VIT: variants seen among roughly 807,000 people sequenced by gnomAD.
The protein encoded by VIT is vitrin.
VIT carries 99 observed loss-of-function variants against 78.0 expected under a neutral mutation model. That is an observed-to-expected ratio of 1.27 (90% CI 1.08 to 1.50). The LOEUF (loss-of-function observed/expected upper bound fraction) is 1.50. Ranked by LOEUF, VIT falls within the 40% of genes most tolerant of loss-of-function variation. The pLI, the probability that VIT is intolerant of heterozygous loss-of-function variation, is 0.00. For synonymous variants in VIT, 374 were observed against 334.3 expected (o/e 1.12, Z -1.29); for missense variants, 1,126 against 875.3 (o/e 1.29, Z -3.61).
In VIT at chr2:36,721,880, C is replaced by T. The variant is rs1666536437; in HGVS notation, c.52+5458C>T. On this transcript the variant is annotated intron_variant, in intron 2 of 15. Transcript: ENST00000379242. ...ACTTCCTTGGTGTCCTGTGTTTATT[C>T]TCACCATAGCTGCAAGATATTGACC... 3.3e-5 allele frequency among the ~76,000 whole-genome samples: 5 copies of T among 152,216 alleles called. 1 individual carries two copies. The highest frequency in any genetic ancestry group is 7.2e-5 in the African/African-American group (3 of 41,458).
chr2:36,761,374 G>A (rs745544157), intron 6 of VIT, among the ~76,000 whole-genome samples: 4 of 152,070 alleles, frequency 2.6e-5, no homozygotes, highest in East Asian at 1.9e-4. Context: ...TGGGGGTGTC[G>A]GGGGTGTTGT....
At chr2:36,753,864 G>C (rs1206891854) in intron 4 of VIT, among the ~76,000 whole-genome samples, 1 of 152,184 alleles carries the variant, frequency 6.6e-6, no homozygotes. Flanking sequence ...GGGAGCAAGA[G>C]GGACAAACTG....
At chr2:36,757,095 G>T (rs1449817481) in intron 5 of VIT, among the ~76,000 whole-genome samples, 1 of 152,218 alleles carries the variant, frequency 6.6e-6, no homozygotes, top group Non-Finnish European at 1.5e-5. Context: ...TGAGTTAGGA[G>T]CTCACTGCAG....
intron 15 of VIT, among the ~76,000 whole-genome samples, chr2:36,812,734 G>A (rs1035298324): frequency 5.3e-5 from 8 of 152,152 alleles, no homozygotes; most frequent in Non-Finnish European, 1.5e-5. Context: ...GAAAGGAGAT[G>A]CTGACCCCAC....
chr2:36,795,885 G>C (rs1195405789), intron 12 of VIT, among the ~76,000 whole-genome samples: 1 of 152,176 alleles, frequency 6.6e-6, no homozygotes, highest in African/African-American at 2.4e-5. Flanking sequence ...GGCTTGCAGA[G>C]AAAACAAGTG....
At chr2:36,807,980 A>T (rs1264643952) in intron 14 of VIT, among the ~76,000 whole-genome samples, 1 of 152,234 alleles carries the variant, frequency 6.6e-6, no homozygotes, top group East Asian at 1.9e-4. Flanking sequence ...ACATGTGGTC[A>T]TTCAGCAACT....
rs763564096 is a variant in VIT, at chr2:36,808,455, T to TC, written c.1390-13dup. On this transcript the variant is annotated splice_polypyrimidine_tract_variant and intron_variant, in intron 14 of 15. Coordinates refer to ENST00000379242, the MANE Select transcript of VIT (RefSeq NM_053276.4). ...TTGACCCTGACGTGGCGTGGGTCCCTCCCCTCTGTCTTCTAGGCCGTGTGC... is the reference window on the plus strand; with the variant it reads ...TTGACCCTGACGTGGCGTGGGTCCCTCCCCCTCTGTCTTCTAGGCCGTGTGC... The TC allele has an allele frequency of 1.2e-5, 19 of 1,586,668 alleles. No individual in the cohort carries two copies. The Admixed American group carries it at 1.5e-4, about 13-fold the overall frequency.
chr2:36,786,551 G>A (rs116374815), intron 11 of VIT, among the ~76,000 whole-genome samples: 17 of 152,232 alleles, frequency 1.1e-4, no homozygotes, highest in Admixed American at 4.6e-4. Flanking sequence ...AAAAAATCTC[G>A]GATAGCTACG....
intron 5 of VIT, among the ~76,000 whole-genome samples, chr2:36,757,152 T>C (rs1668815868): frequency 6.6e-6 from 1 of 152,222 alleles, no homozygotes; most frequent in African/African-American, 2.4e-5. Flanking sequence ...CTTCCCATTA[T>C]CCAGAGGTTC....
intron 1 of VIT, among the ~76,000 whole-genome samples, chr2:36,711,761 C>A (rs1008630897): frequency 6.6e-6 from 1 of 152,128 alleles, no homozygotes; most frequent in African/African-American, 2.4e-5. Flanking sequence ...AAATATAAAG[C>A]AATATTATTA....
At chr2:36,766,467 G>A (rs988138668) in intron 6 of VIT, among the ~76,000 whole-genome samples, 1 of 152,176 alleles carries the variant, frequency 6.6e-6, no homozygotes, top group African/African-American at 2.4e-5. Context: ...GAAGTTCGAG[G>A]CTGCAGTGAG....
At chr2:36,743,476 G>C (rs182740001) in intron 4 of VIT, among the ~76,000 whole-genome samples, 1 of 151,790 alleles carries the variant, frequency 6.6e-6, no homozygotes, top group Non-Finnish European at 1.5e-5. Flanking sequence ...ATGCTTCATT[G>C]TCTCCTTGCA....
At chr2:36,721,622 CT>C (rs949082219) in intron 2 of VIT, among the ~76,000 whole-genome samples, 2 of 152,174 alleles carry the variant, frequency 1.3e-5, no homozygotes, top group Admixed American at 1.3e-4. Context: ...AAGTGTCTTG[CT>C]TGTGGAGCCT....
At chr2:36,722,921 T>C (rs1291073151) in intron 2 of VIT, among the ~76,000 whole-genome samples, 1 of 151,762 alleles carries the variant, frequency 6.6e-6, no homozygotes, top group African/African-American at 2.4e-5. Context: ...TAAAAAATAA[T>C]TGTTTTTTGT....
At chr2:36,748,447 C>A (rs7585989) in intron 4 of VIT, among the ~76,000 whole-genome samples, 7,215 of 152,072 alleles carry the variant, frequency 0.047, 461 homozygotes, top group African/African-American at 0.14. Context: ...ATTCTTTTTT[C>A]TTTATTTTTG....
chr2:36,763,039 C>A (rs1242879639), intron 6 of VIT, among the ~76,000 whole-genome samples: 1 of 152,156 alleles, frequency 6.6e-6, no homozygotes, highest in Non-Finnish European at 1.5e-5. Context: ...AAGGCACATT[C>A]CTAGTATCAC....
At chr2:36,804,713 C>T (rs1040394673) in intron 13 of VIT, among the ~76,000 whole-genome samples, 2 of 152,044 alleles carry the variant, frequency 1.3e-5, no homozygotes, top group Non-Finnish European at 2.9e-5. Flanking sequence ...GCCTGTAGTC[C>T]CAGCTACTTG....
intron 2 of VIT, among the ~76,000 whole-genome samples, chr2:36,719,873 T>C (rs1204504276): frequency 2.6e-5 from 4 of 152,002 alleles, no homozygotes; most frequent in African/African-American, 4.8e-5. Context: ...CTCAGGGAGA[T>C]TGAGGCTATA....
In VIT at chr2:36,805,469, CT is replaced by C; in HGVS notation, c.1198del (p.Ser400ProfsTer16). 6.2e-7 allele frequency: 1 copy of C among 1,613,070 alleles called. No individual in the cohort carries two copies. Among genetic ancestry groups the C allele is most frequent in the Non-Finnish European group, 8.5e-7 (1 of 1,179,522 alleles). On this transcript the variant is annotated frameshift_variant, in exon 14 of 16. Transcript: ENST00000379242. LOFTEE classifies it high-confidence loss of function. ...RAISFVTKNFFSKANGNRSGA... is the reference protein window; with the variant it reads ...RAISFVTKNFXSKANGNRSGA... ...CCATCTCCTTTGTGACCAAGAACTT[CT>C]TTTCCAAAGCCAATGGAAACAGAAG...
Sources: gnomAD v4.1 joint callset for allele counts (sites outside exome capture counted in the v4.1 genomes callset) on GRCh38, gnomAD v4.1.1 for gene constraint, MANE v1.5 for transcripts, NCBI Gene and HGNC (gene_info 2026-07-23, HGNC 2026-07-21) for gene names.